RORA: variants seen among roughly 807,000 people sequenced by gnomAD.
RORA encodes nuclear receptor ROR-alpha.
RORA carries 7 observed loss-of-function variants against 69.5 expected under a neutral mutation model. The observed-to-expected ratio is 0.10, with a 90% CI of 0.06 to 0.19. The LOEUF is 0.19. RORA is among the 10% of genes least tolerant of loss of function. RORA has a pLI of 1.00. For synonymous variants in RORA, 261 were observed against 240.8 expected, an observed-to-expected ratio of 1.08 and a Z score of -0.78; for missense variants, 457 against 663.0, an observed-to-expected ratio of 0.69 and a Z score of 3.41.
intron 1 of RORA, among the ~76,000 whole-genome samples, chr15:60,852,279 C>G (rs1357943704): frequency 6.6e-6 from 1 of 152,184 alleles, no homozygotes; most frequent in African/African-American, 2.4e-5. Flanking sequence ...GAGCTAACAT[C>G]ATACATGCTT....
At chr15:61,194,174 C>T (rs1261379854) in intron 1 of RORA, 1 of 152,154 alleles carries the variant, frequency 6.6e-6, no homozygotes, top group African/African-American at 2.4e-5. Flanking sequence ...GAACTTGTGC[C>T]CTTCCAAGTT....
intron 1 of RORA, among the ~76,000 whole-genome samples, chr15:61,208,878 C>A (rs556276356): frequency 7.9e-5 from 12 of 152,334 alleles, no homozygotes; most frequent in Admixed American, 5.2e-4. Flanking sequence ...TCCTCACAAA[C>A]AGATGTGCCT....
intron 1 of RORA, among the ~76,000 whole-genome samples, chr15:61,214,863 CTTTTTTT>C (rs34041868): frequency 9.3e-6 from 1 of 107,090 alleles, no homozygotes. Flanking sequence ...CCTTCTTGGA[CTTTTTTT>C]TTTTTTTTTT....
intron 1 of RORA, among the ~76,000 whole-genome samples, chr15:60,720,038 T>G (rs2071272012): frequency 6.6e-6 from 1 of 152,198 alleles, no homozygotes; most frequent in South Asian, 2.1e-4. Flanking sequence ...TTTTCCAGTC[T>G]TTGTCATAAA....
intron 1 of RORA, among the ~76,000 whole-genome samples, chr15:61,152,551 T>C (rs2079406626): frequency 1.3e-5 from 2 of 151,974 alleles, no homozygotes; most frequent in African/African-American, 4.8e-5. Context: ...AAAAATATTC[T>C]ATTGTGTTTC....
At chr15:61,001,168 C>A (rs973969783) in intron 1 of RORA, among the ~76,000 whole-genome samples, 3 of 152,220 alleles carry the variant, frequency 2.0e-5, no homozygotes, top group African/African-American at 7.2e-5. Flanking sequence ...GCAGTCTCAT[C>A]ACTCTGTCCC....
intron 1 of RORA, among the ~76,000 whole-genome samples, chr15:60,941,381 G>A (rs1386563936): frequency 6.6e-6 from 1 of 152,260 alleles, no homozygotes; most frequent in South Asian, 2.1e-4. Flanking sequence ...GCTCTTTAAT[G>A]TGTTGGCGTC....
chr15:60,901,063 T>C (rs1238889018), intron 1 of RORA, among the ~76,000 whole-genome samples: 1 of 152,212 alleles, frequency 6.6e-6, no homozygotes, highest in Non-Finnish European at 1.5e-5. Context: ...ATTATGCCTA[T>C]ATGTAGAAGG....
Position 60,743,147 on chromosome 15 carries a change from TG to T in RORA, c.167-64462del, listed in dbSNP as rs537208079. On this transcript the variant is annotated intron_variant, in intron 1 of 10. Coordinates refer to ENST00000335670, the MANE Select transcript of RORA (RefSeq NM_134261.3). ...CTTGTGCCTCAGCCTCCTGAGTAGCTGGGACTACAGATATGTACCACCATGC... is the reference window on the plus strand; with the variant it reads ...CTTGTGCCTCAGCCTCCTGAGTAGCTGGACTACAGATATGTACCACCATGC... 2.8e-3 allele frequency among the ~76,000 whole-genome samples: 430 copies of T among 151,792 alleles called. 1 individual carries two copies. Among genetic ancestry groups the T allele is most frequent in the African/African-American group, 0.01 (414 of 41,398 alleles).
At chr15:61,124,285 T>A (rs1202287230) in intron 1 of RORA, among the ~76,000 whole-genome samples, 1 of 152,228 alleles carries the variant, frequency 6.6e-6, no homozygotes, top group Non-Finnish European at 1.5e-5. Flanking sequence ...GTACAGCTTA[T>A]AATAATTCAT....
intron 1 of RORA, among the ~76,000 whole-genome samples, chr15:61,172,827 C>T (rs980785511): frequency 2.3e-4 from 35 of 151,982 alleles, no homozygotes; most frequent in African/African-American, 8.2e-4. Flanking sequence ...GAGCATGTAT[C>T]CTGGGCTGGG....
intron 8 of RORA, among the ~76,000 whole-genome samples, chr15:60,502,127 T>C (rs2065350389): frequency 6.6e-6 from 1 of 152,110 alleles, no homozygotes; most frequent in Admixed American, 6.5e-5. Flanking sequence ...ACTACAGGCG[T>C]GTGCCACCAT....
chr15:61,017,964 T>C (rs1044712263), intron 1 of RORA, among the ~76,000 whole-genome samples: 2 of 152,142 alleles, frequency 1.3e-5, no homozygotes, highest in African/African-American at 4.8e-5. Context: ...AACAAATAAA[T>C]ATCATAAAAA....
chr15:61,155,074 A>G (rs933358510), intron 1 of RORA, among the ~76,000 whole-genome samples: 6 of 152,228 alleles, frequency 3.9e-5, no homozygotes, highest in Admixed American at 3.9e-4. Flanking sequence ...GGCACTTGGT[A>G]TATTTCAAGA....
chr15:60,776,079 T>G (rs994632100), intron 1 of RORA, among the ~76,000 whole-genome samples: 4 of 152,102 alleles, frequency 2.6e-5, no homozygotes, highest in African/African-American at 9.7e-5. Context: ...ACCTGAAACT[T>G]TGTTGAAGGG....
At chr15:61,160,528 C>T (rs2140882873) in intron 1 of RORA, among the ~76,000 whole-genome samples, 1 of 152,202 alleles carries the variant, frequency 6.6e-6, no homozygotes, top group Admixed American at 6.5e-5. Context: ...CAGAATTCTG[C>T]AAATGTTAAG....
chr15:60,648,954 A>G (rs148461931), intron 2 of RORA, among the ~76,000 whole-genome samples: 4 of 152,298 alleles, frequency 2.6e-5, no homozygotes, highest in African/African-American at 7.2e-5. Context: ...ATTGTCAGCT[A>G]TGAAAGAGGT....
intron 1 of RORA, among the ~76,000 whole-genome samples, chr15:61,209,828 T>C (rs1012037076): frequency 1.3e-5 from 2 of 152,176 alleles, no homozygotes; most frequent in African/African-American, 4.8e-5. Flanking sequence ...TGTGAGAAAA[T>C]ATTTAGCCTC....
intron 1 of RORA, among the ~76,000 whole-genome samples, chr15:60,866,266 A>G (rs2073486124): frequency 6.6e-6 from 1 of 152,026 alleles, no homozygotes; most frequent in Admixed American, 6.6e-5. Context: ...TGAGTTCAAG[A>G]TTTGTTTTAG....
Sources: allele counts gnomAD v4.1 joint callset (sites outside exome capture counted in the v4.1 genomes callset), GRCh38; gene constraint gnomAD v4.1.1; transcripts MANE v1.5; gene names NCBI Gene and HGNC (gene_info 2026-07-23, HGNC 2026-07-21).